SWT1: variants seen among roughly 807,000 people sequenced by gnomAD.
The protein encoded by SWT1 is SWT1 RNA endoribonuclease homolog, also known as transcriptional protein SWT1.
SWT1 carries 33 observed loss-of-function variants against 107.3 expected under a neutral mutation model. The ratio of observed to expected loss-of-function variants is 0.31; its 90% CI spans 0.23 to 0.41. The LOEUF (loss-of-function observed/expected upper bound fraction) is 0.41. Among genes scored for constraint, SWT1 ranks in the 10% least tolerant of loss-of-function variants. SWT1 has a pLI of 1.00. For synonymous variants in SWT1, 345 were observed against 348.3 expected, an observed-to-expected ratio of 0.99 and a Z score of 0.11; for missense variants, 898 against 1,028.9, an observed-to-expected ratio of 0.87 and a Z score of 1.74.
chr1:185,158,339 A>G (rs781052047), intron 1 of SWT1, among the ~76,000 whole-genome samples: 1 of 151,716 alleles, frequency 6.6e-6, no homozygotes, highest in Admixed American at 6.6e-5. Flanking sequence ...TCTGTGAGTT[A>G]TAGTCCTAAA....
intron 13 of SWT1, among the ~76,000 whole-genome samples, chr1:185,208,474 A>G (rs929816658): frequency 1.3e-5 from 2 of 152,160 alleles, no homozygotes; most frequent in Non-Finnish European, 2.9e-5. Flanking sequence ...ACAGTTACGT[A>G]TTGTGTATTT....
At chr1:185,286,282 G>A (rs1243290331) in intron 18 of SWT1, among the ~76,000 whole-genome samples, 1 of 152,136 alleles carries the variant, frequency 6.6e-6, no homozygotes, top group East Asian at 1.9e-4. Flanking sequence ...GGATTGCAGT[G>A]GCGCGATCTC....
chr1:185,160,743 A>G, intron 1 of SWT1, 90 bp from the exon 2 acceptor site: 2 of 895,560 alleles, frequency 2.2e-6, no homozygotes, highest in East Asian at 5.2e-5. Context: ...ATATTGTAAA[A>G]CTCCAATCTT....
intron 7 of SWT1, 44 bp from the exon 8 acceptor site, chr1:185,184,197 TAA>T: frequency 1.0e-6 from 1 of 985,282 alleles, no homozygotes; most frequent in Non-Finnish European, 1.5e-6. Flanking sequence ...AGTCATTATA[TAA>T]GTCTGTTATC....
intron 16 of SWT1, among the ~76,000 whole-genome samples, chr1:185,265,366 C>T (rs568032279): frequency 2.0e-4 from 30 of 152,084 alleles, no homozygotes; most frequent in Admixed American, 3.3e-4. Context: ...CTATAGAAAA[C>T]GTATAATTTT....
intron 18 of SWT1, among the ~76,000 whole-genome samples, chr1:185,283,942 T>A (rs1193952029): frequency 1.3e-5 from 2 of 152,202 alleles, no homozygotes; most frequent in Non-Finnish European, 2.9e-5. Context: ...GTATTGCTCT[T>A]TGTGTATAAA....
chr1:185,170,684 C>T (rs566261140), intron 4 of SWT1, among the ~76,000 whole-genome samples: 37 of 152,300 alleles, frequency 2.4e-4, no homozygotes, highest in Admixed American at 7.8e-4. Context: ...CATTCTTGTA[C>T]GCATTTACTT....
At chr1:185,175,678 G>A (rs1417942101) in intron 5 of SWT1, among the ~76,000 whole-genome samples, 1 of 152,138 alleles carries the variant, frequency 6.6e-6, no homozygotes, top group Non-Finnish European at 1.5e-5. Context: ...ATAATAGAAA[G>A]GAATGTGTAA....
At chr1:185,210,311 A>G (rs1362471194) in intron 13 of SWT1, among the ~76,000 whole-genome samples, 1 of 152,118 alleles carries the variant, frequency 6.6e-6, no homozygotes, top group African/African-American at 2.4e-5. Context: ...CTATGCCCTG[A>G]ATGGTATTGC....
chr1:185,165,769 C>T (rs1483766756), intron 2 of SWT1, among the ~76,000 whole-genome samples: 1 of 152,244 alleles, frequency 6.6e-6, no homozygotes, highest in East Asian at 1.9e-4. Flanking sequence ...ACTCCATGGC[C>T]TCCTTGCTGC....
At chr1:185,180,527 T>C in intron 6 of SWT1, 77 bp downstream of exon 6, 1 of 1,016,220 alleles carries the variant, frequency 9.8e-7, no homozygotes, top group Non-Finnish European at 1.5e-6. Flanking sequence ...AAATAATGAC[T>C]GTAGAAACCC....
At chr1:185,284,289 C>T (rs1222163477) in intron 18 of SWT1, among the ~76,000 whole-genome samples, 8 of 152,210 alleles carry the variant, frequency 5.3e-5, no homozygotes, top group Admixed American at 2.6e-4. Context: ...GCCCTTTGCT[C>T]ATTTTTAGTG....
At chr1:185,290,258 C>T (rs1665172995) in intron 18 of SWT1, among the ~76,000 whole-genome samples, 1 of 151,940 alleles carries the variant, frequency 6.6e-6, no homozygotes, top group Non-Finnish European at 1.5e-5. Flanking sequence ...GCCTGGACAA[C>T]AGGAGTGAGA....
At chr1:185,282,310 T>C (rs192392806) in intron 18 of SWT1, among the ~76,000 whole-genome samples, 1 of 152,066 alleles carries the variant, frequency 6.6e-6, no homozygotes, top group East Asian at 1.9e-4. Context: ...AGTTCTGGCA[T>C]TCTTAGGGCT....
rs141790028 is a variant in SWT1 at position 185,273,191 on chromosome 1, G to A, written c.2508+1802G>A. Among the ~76,000 whole-genome samples the A allele has an allele frequency of 4.9e-3, 752 of 152,266 alleles. 5 individuals are homozygous for A. Among genetic ancestry groups the A allele is most frequent in the African/African-American group, 0.017 (701 of 41,550 alleles). ...AGGCCAAGGCAGGTGGATCACTTGA[G>A]GTCAGGAGTTTGAGAACAGGCTGGC... On this transcript the variant is annotated intron_variant, in intron 17 of 18. Transcript: ENST00000367500.
At chr1:185,199,138 A>G (rs1203050338) in intron 10 of SWT1, among the ~76,000 whole-genome samples, 1 of 151,962 alleles carries the variant, frequency 6.6e-6, no homozygotes, top group Non-Finnish European at 1.5e-5. Flanking sequence ...GTATTTCACC[A>G]TCTTGGTCAG....
At position 185,168,407 on chromosome 1, in the gene SWT1, C is replaced by G; in HGVS notation, c.224+9C>G. 7.3e-7 allele frequency: 1 copy of G among 1,369,092 alleles called. No individual in the cohort carries two copies. The highest frequency in any genetic ancestry group is 9.8e-7 in the Non-Finnish European group (1 of 1,022,186). 84.8% of individuals were successfully genotyped at this position (1,369,092 alleles called of 1,614,324 possible). A position where few individuals can be genotyped will look rare whatever the true frequency, so the allele number is the denominator to read the frequency against. On this transcript the variant is annotated intron_variant, in intron 4 of 18. Transcript: ENST00000367500. The stretch of plus-strand genomic sequence containing the variant: ...AGACAAGGACTGAAAAGGTAAATTT[C>G]TCCTTTTTCTTTTTACTGTTTTGGT...
intron 16 of SWT1, among the ~76,000 whole-genome samples, chr1:185,261,480 ATT>A (rs1043574843): frequency 2.6e-5 from 4 of 152,104 alleles, no homozygotes; most frequent in African/African-American, 9.7e-5. Flanking sequence ...ACAAATACCT[ATT>A]TGAGTCTTTG....
At chr1:185,210,576 C>T (rs1658707439) in intron 13 of SWT1, among the ~76,000 whole-genome samples, 1 of 152,072 alleles carries the variant, frequency 6.6e-6, no homozygotes, top group Non-Finnish European at 1.5e-5. Context: ...TATGACAAAC[C>T]CACAGCCAAT....
Sources: gnomAD v4.1 joint callset for allele counts (sites outside exome capture counted in the v4.1 genomes callset) on GRCh38, gnomAD v4.1.1 for gene constraint, MANE v1.5 for transcripts, NCBI Gene and HGNC (gene_info 2026-07-23, HGNC 2026-07-21) for gene names.